NFKBID: variants seen among roughly 807,000 people sequenced by gnomAD.
NFKBID encodes the protein NF-kappa-B inhibitor delta.
A neutral mutation model predicts 53.4 loss-of-function variants in NFKBID; 26 were observed. The observed-to-expected ratio is 0.49, with a 90% CI of 0.36 to 0.68. The LOEUF (loss-of-function observed/expected upper bound fraction) is 0.68, where lower values mean the gene tolerates loss of function less well. Among genes scored for constraint, NFKBID ranks in the 30% least tolerant of loss-of-function variants. The pLI is 0.00. For missense variants in NFKBID, 493 were observed against 614.1 expected (o/e 0.80, Z 2.08); for synonymous variants, 262 against 259.8 (o/e 1.01, Z -0.08).
intron 9 of NFKBID, among the ~76,000 whole-genome samples, chr19:35,891,894 G>A (rs1974793085): frequency 1.3e-5 from 2 of 151,250 alleles, no homozygotes; most frequent in South Asian, 2.1e-4. Context: ...TTTTTTGTTT[G>A]TTTTTTGAGA....
At chr19:35,889,628 C>A (rs578015207) in intron 11 of NFKBID, among the ~76,000 whole-genome samples, 61 of 152,104 alleles carry the variant, frequency 4.0e-4, no homozygotes, top group Admixed American at 1.0e-3. Flanking sequence ...ACCTTGAGGT[C>A]AAGCAAGATT....
At chr19:35,900,223 G>A (rs1975485240) in intron 1 of NFKBID, among the ~76,000 whole-genome samples, 1 of 151,524 alleles carries the variant, frequency 6.6e-6, no homozygotes, top group South Asian at 2.1e-4. Flanking sequence ...TGCGATCCTG[G>A]ATCCCCAGGC....
At chr19:35,890,513 G>A in intron 9 of NFKBID, 23 bp from the exon 10 acceptor site, 6 of 1,535,722 alleles carry the variant, frequency 3.9e-6, no homozygotes, top group Non-Finnish European at 5.4e-6. Flanking sequence ...GAATGGCAGA[G>A]GTCAGGGCCA....
chr19:35,899,756 G>T (rs908483452), intron 1 of NFKBID: 1 of 151,900 alleles, frequency 6.6e-6, no homozygotes, highest in Admixed American at 6.6e-5. Flanking sequence ...GGGATTGCGC[G>T]GGGCGGGGGC....
chr19:35,894,450 T>C (rs1164655168), intron 9 of NFKBID, among the ~76,000 whole-genome samples: 1 of 151,708 alleles, frequency 6.6e-6, no homozygotes, highest in Non-Finnish European at 1.5e-5. Context: ...CTCACAACTG[T>C]AATCCCAGCA....
chr19:35,901,203 G>C (rs1036415823), upstream of NFKBID, among the ~76,000 whole-genome samples: 3 of 151,986 alleles, frequency 2.0e-5, no homozygotes, highest in Admixed American at 6.6e-5. Flanking sequence ...TGCCCATGGG[G>C]GTAGGGGTAG....
At chr19:35,900,640 G>T (rs573150219) in exon 1 of NFKBID, 1 of 1,228,612 alleles carries the variant, frequency 8.1e-7, no homozygotes, top group Non-Finnish European at 1.0e-6. Context: ...CCCGGGTCGC[G>T]CTCCGGCGAA....
chr19:35,902,275 C>T, upstream of NFKBID: 1 of 706,634 alleles, frequency 1.4e-6, no homozygotes, highest in Non-Finnish European at 2.6e-6. Context: ...CTCTCAAACA[C>T]ACCCACATTC....
At chr19:35,891,234 G>A (rs1194300766) in intron 9 of NFKBID, among the ~76,000 whole-genome samples, 1 of 152,118 alleles carries the variant, frequency 6.6e-6, no homozygotes, top group South Asian at 2.1e-4. Context: ...TCATATTTGG[G>A]GGAAAATAAA....
chr19:35,902,098 T>C (rs892991061), upstream of NFKBID: 4 of 695,274 alleles, frequency 5.8e-6, no homozygotes, highest in African/African-American at 7.0e-5. Flanking sequence ...CTAAATGCAG[T>C]GAGGTTATTC....
exon 10 of NFKBID, chr19:35,890,394 G>C: frequency 6.2e-7 from 1 of 1,612,388 alleles, no homozygotes; most frequent in Non-Finnish European, 8.5e-7. Context: ...ACAAAGGTCC[G>C]CAGGTCTCCC....
In NFKBID at chr19:35,898,852, C is replaced by T. The variant is rs763492604; in HGVS notation, c.62-30G>A. The T allele has an allele frequency of 7.3e-6, 11 of 1,515,520 alleles. No individual in the cohort carries two copies. The South Asian group carries it at 1.3e-4, about 18-fold the overall frequency. 93.9% of individuals were successfully genotyped at this position (1,515,520 alleles called of 1,614,324 possible). A position where few individuals can be genotyped will look rare whatever the true frequency, so the allele number is the denominator to read the frequency against. The stretch of plus-strand genomic sequence containing the variant: ...GCGGGAGAGGAGAGGGGGAAGTCAT[C>T]AAGGGTCCTTAAGTCACCTAAATGC... On this transcript the variant is annotated intron_variant, in intron 1 of 11. Transcript: ENST00000641389.
downstream of NFKBID, chr19:35,888,105 C>A (rs556932275): frequency 1.0e-3 from 159 of 158,914 alleles, 1 homozygote; most frequent in Non-Finnish European, 1.4e-3. Flanking sequence ...AGGGTCCCTC[C>A]TGTCTCAGGG....
intron 9 of NFKBID, among the ~76,000 whole-genome samples, chr19:35,893,160 C>T (rs1235979186): frequency 6.6e-6 from 1 of 152,092 alleles, no homozygotes; most frequent in African/African-American, 2.4e-5. Flanking sequence ...CAAAGCCAGA[C>T]TCTGTCTCTA....
At chr19:35,892,537 C>T (rs1431548840) in intron 9 of NFKBID, among the ~76,000 whole-genome samples, 3 of 147,904 alleles carry the variant, frequency 2.0e-5, no homozygotes, top group African/African-American at 7.7e-5. Context: ...GAGCGAGACT[C>T]CATCTCAAAA....
chr19:35,889,846 C>A (rs762221825), intron 11 of NFKBID, 44 bp downstream of exon 11: 5 of 1,556,112 alleles, frequency 3.2e-6, no homozygotes, highest in South Asian at 2.3e-5. Context: ...CCCGCGCCCG[C>A]GAGCTCAGAG....
chr19:35,899,926 G>A (rs1161614477), intron 1 of NFKBID, among the ~76,000 whole-genome samples: 1 of 151,860 alleles, frequency 6.6e-6, no homozygotes, highest in Non-Finnish European at 1.5e-5. Context: ...TGGAATCCCC[G>A]CGCAAGGGGA....
Position 35,890,495 on chromosome 19 carries a change from G to C in NFKBID, c.1033-5C>G. On this transcript the variant is annotated splice_polypyrimidine_tract_variant and splice_region_variant and intron_variant, in intron 9 of 11. Transcript: ENST00000641389. ...TGTCTTGTTGCTCTTGATCTCCTGA[G>C]GGGAAGGGAATGGCAGAGGTCAGGG... 1 of 1,604,802 alleles carries C rather than the reference G, an allele frequency of 6.2e-7. No homozygotes were observed. The highest frequency in any genetic ancestry group is 8.5e-7 in the Non-Finnish European group (1 of 1,171,592).
chr19:35,901,674 A>T, upstream of NFKBID: 1 of 149,040 alleles, frequency 6.7e-6, no homozygotes. Context: ...GCTCACTGCA[A>T]CCTCCACTTG....
Sources: allele counts gnomAD v4.1 joint callset (sites outside exome capture counted in the v4.1 genomes callset), GRCh38; gene constraint gnomAD v4.1.1; transcripts MANE v1.5; gene names NCBI Gene and HGNC (gene_info 2026-07-23, HGNC 2026-07-21).